CERS1: variants seen among roughly 807,000 people sequenced by gnomAD.
The protein encoded by CERS1 is Embryonic growth/differentiation factor 1.
A neutral mutation model predicts 35.7 loss-of-function variants in CERS1; 16 were observed. That is an observed-to-expected ratio of 0.45 (90% CI 0.30 to 0.68). The LOEUF is 0.68. Among genes scored for constraint, CERS1 ranks in the 30% least tolerant of loss-of-function variants. CERS1 has a pLI of 0.08. For missense variants in CERS1, 454 were observed against 453.9 expected (o/e 1.00, Z 0.00); for synonymous variants, 243 against 201.6 (o/e 1.21, Z -1.74).
chr19:18,877,756 CAAAAAA>C (rs386388683), intron 6 of CERS1, among the ~76,000 whole-genome samples: 48 of 103,974 alleles, frequency 4.6e-4, no homozygotes, highest in African/African-American at 1.7e-3. Context: ...GACCCTGTCT[CAAAAAA>C]AAAAAAAAAA....
At position 18,869,116 on chromosome 19, in the gene CERS1, GC is replaced by G. The variant is rs1278489593; in HGVS notation, c.*868del. ...ATGAGGCGTTGCGAGCCCAAGCGGC[GC>G]CCAGCAGCTCCGCGCGCACTGGCGG... is the stretch of plus-strand genomic sequence containing the variant. On this transcript the variant is annotated 3_prime_UTR_variant, in exon 8 of 8. Transcript: ENST00000623882. 9.2e-7 allele frequency: 1 copy of G among 1,087,682 alleles called. No individual in the cohort carries two copies. Among genetic ancestry groups the G allele is most frequent in the Non-Finnish European group, 1.1e-6 (1 of 894,854 alleles). 67.4% of individuals were successfully genotyped at this position (1,087,682 alleles called of 1,614,324 possible). A position where few individuals can be genotyped will look rare whatever the true frequency, so the allele number is the denominator to read the frequency against.
intron 6 of CERS1, among the ~76,000 whole-genome samples, chr19:18,876,309 C>T (rs969256671): frequency 2.0e-5 from 3 of 150,766 alleles, no homozygotes; most frequent in Admixed American, 6.6e-5. Context: ...TTGATGGTCT[C>T]TCATACCTGT....
intron 6 of CERS1, among the ~76,000 whole-genome samples, chr19:18,875,982 C>T (rs2056053984): frequency 6.6e-6 from 1 of 152,230 alleles, no homozygotes; most frequent in Non-Finnish European, 1.5e-5. Flanking sequence ...GAATAAGTTC[C>T]TGTGGTTTTA....
At chr19:18,887,262 C>G (rs1451253573) in intron 2 of CERS1, among the ~76,000 whole-genome samples, 1 of 152,152 alleles carries the variant, frequency 6.6e-6, no homozygotes, top group East Asian at 1.9e-4. Flanking sequence ...CAAAAGGTCA[C>G]ACAGTGTGAG....
chr19:18,893,149 G>A (rs949596194), intron 2 of CERS1, among the ~76,000 whole-genome samples: 4 of 152,170 alleles, frequency 2.6e-5, no homozygotes, highest in Middle Eastern at 3.4e-3. Context: ...TCCTAACCTC[G>A]TGATCCACTC....
chr19:18,880,165 C>T, intron 4 of CERS1, 109 bp downstream of exon 4: 4 of 1,156,508 alleles, frequency 3.5e-6, no homozygotes, highest in East Asian at 2.6e-5. Flanking sequence ...GCCACACACC[C>T]ACCTCACCGG....
Position 18,868,554 on chromosome 19 carries a change from A to G in CERS1, c.*1431T>C. On this transcript the variant is annotated 3_prime_UTR_variant, in exon 8 of 8. Transcript: ENST00000623882. ...TCCAAGGAGACCAGCGGAGCAGACC[A>G]CGCGGCATTTATTGTTGGGCCCGCG... The G allele has an allele frequency of 6.9e-7, 1 of 1,449,070 alleles. No individual in the cohort carries two copies. Among genetic ancestry groups the G allele is most frequent in the Non-Finnish European group, 9.5e-7 (1 of 1,057,442 alleles). 89.8% of individuals were successfully genotyped at this position (1,449,070 alleles called of 1,614,324 possible). A position where few individuals can be genotyped will look rare whatever the true frequency, so the allele number is the denominator to read the frequency against.
intron 6 of CERS1, among the ~76,000 whole-genome samples, chr19:18,876,789 A>G (rs1295933146): frequency 2.0e-5 from 3 of 152,168 alleles, no homozygotes; most frequent in Non-Finnish European, 2.9e-5. Flanking sequence ...TACAGCTTAC[A>G]TTTCCATGGC....
Position 18,870,270 on chromosome 19 carries a change from AGGT to A in CERS1, c.*304_*306del, listed in dbSNP as rs2055944339. 2.6e-6 allele frequency: 4 copies of A among 1,545,390 alleles called. No homozygotes were observed. Among genetic ancestry groups the A allele is most frequent in the African/African-American group, 2.8e-5 (2 of 72,230 alleles). ...CAGCAGCAGGGCCAGGAGGAGGAGG[AGGT>A]GGTGGCCGCAGGGACCTTGCTGCGG... On this transcript the variant is annotated 3_prime_UTR_variant, in exon 7 of 8. Coordinates refer to ENST00000623882, the MANE Select transcript of CERS1 (RefSeq NM_021267.5). The surrounding 1 kb of genome is among the most constrained non-coding windows in gnomAD (Gnocchi z 5.1).
chr19:18,886,278 A>G (rs55981548), intron 2 of CERS1, among the ~76,000 whole-genome samples: 7,914 of 151,972 alleles, frequency 0.052, 263 homozygotes, highest in Non-Finnish European at 0.069. Context: ...GGCCGGGCGC[A>G]GTGGCTCACG....
At position 18,868,950 on chromosome 19, in the gene CERS1, C is replaced by G; in HGVS notation, c.*1035G>C. On this transcript the variant is annotated 3_prime_UTR_variant, in exon 8 of 8. Coordinates refer to ENST00000623882, the MANE Select transcript of CERS1 (RefSeq NM_021267.5). ...CCGGGGCCGCCGCCCAACACGGGTT[C>G]GGCGTCGCGCCGCGGCCGGGCCAGG... The G allele has an allele frequency of 1.7e-6, 2 of 1,200,094 alleles. No individual in the cohort carries two copies. The highest frequency in any genetic ancestry group is 2.1e-6 in the Non-Finnish European group (2 of 965,126). The allele number at this position is 1,200,094 out of a possible 1,614,324, so 74.3% of individuals were successfully genotyped here.
intron 2 of CERS1, among the ~76,000 whole-genome samples, chr19:18,893,107 G>A (rs2056535060): frequency 6.6e-6 from 1 of 152,032 alleles, no homozygotes; most frequent in African/African-American, 2.4e-5. Flanking sequence ...TAGAGACGGG[G>A]TTTCACCATG....
Position 18,869,122 on chromosome 19 carries a change from C to T in CERS1, c.*863G>A. 7 of 1,090,808 alleles carry T rather than the reference C, an allele frequency of 6.4e-6. No homozygotes were observed. Among genetic ancestry groups the T allele is most frequent in the Admixed American group, 5.3e-5 (1 of 18,926 alleles). 67.6% of individuals were successfully genotyped at this position (1,090,808 alleles called of 1,614,324 possible). On this transcript the variant is annotated 3_prime_UTR_variant, in exon 8 of 8. Transcript: ENST00000623882. The stretch of plus-strand genomic sequence containing the variant: ...CGTTGCGAGCCCAAGCGGCGCCCAG[C>T]AGCTCCGCGCGCACTGGCGGCCCCA...
chr19:18,893,807 A>AG (rs1478233752), intron 1 of CERS1, among the ~76,000 whole-genome samples: 1 of 149,762 alleles, frequency 6.7e-6, no homozygotes, highest in South Asian at 2.1e-4. Context: ...GTGAGGGGGG[A>AG]GGCCCCGAGG....
rs1568289162 is a variant in CERS1, at chr19:18,868,618, C to CA, written c.*1366dup. 1 of 1,567,380 alleles carries CA rather than the reference C, an allele frequency of 6.4e-7. No homozygotes were observed. Among genetic ancestry groups the CA allele is most frequent in the Admixed American group, 1.9e-5 (1 of 53,720 alleles). The stretch of plus-strand genomic sequence containing the variant: ...CGGGTTAGCGGCAGCCGCACTCGTC[C>CA]ACCACCATGTCCTCATACTGCCGCA... On this transcript the variant is annotated 3_prime_UTR_variant, in exon 8 of 8. Transcript: ENST00000623882.
chr19:18,874,346 G>A (rs1311133118), intron 6 of CERS1, among the ~76,000 whole-genome samples: 1 of 152,096 alleles, frequency 6.6e-6, no homozygotes, highest in African/African-American at 2.4e-5. Flanking sequence ...CTCTGTTACC[G>A]CAGCTGGGGT....
chr19:18,870,425 ACTGGAGGCAGG>A lies in CERS1; in HGVS notation c.*141_*151del. On this transcript the variant is annotated 3_prime_UTR_variant, in exon 7 of 8. Transcript: ENST00000623882. The surrounding 1 kb of genome is among the most constrained non-coding windows in gnomAD (Gnocchi z 5.1). ...GGGGTCCTGGGGGGCGTGGCCGGGAACTGGAGGCAGGATGAGGGGGCGGGGTCCCAGGGGAG... is the reference window on the plus strand; with the variant it reads ...GGGGTCCTGGGGGGCGTGGCCGGGAAATGAGGGGGCGGGGTCCCAGGGGAG... 2 of 1,140,092 alleles carry A rather than the reference ACTGGAGGCAGG, an allele frequency of 1.8e-6. No individual in the cohort carries two copies. The highest frequency in any genetic ancestry group is 2.5e-6 in the Non-Finnish European group (2 of 799,988). The allele number at this position is 1,140,092 out of a possible 1,614,324, so 70.6% of individuals were successfully genotyped here. A position where few individuals can be genotyped will look rare whatever the true frequency, so the allele number is the denominator to read the frequency against.
At chr19:18,887,523 T>TCA (rs2056390595) in intron 2 of CERS1, among the ~76,000 whole-genome samples, 2 of 152,144 alleles carry the variant, frequency 1.3e-5, no homozygotes, top group Non-Finnish European at 2.9e-5. Context: ...GGCAGGTGGA[T>TCA]CACCTGAGGT....
In CERS1 at chr19:18,895,920, C is replaced by A; in HGVS notation, c.153G>T (p.Glu51Asp). The change falls in exon 1 of 8, where the codon GAG becomes GAT. Residue 51 changes from glutamate (E) to aspartate (D), a missense_variant. Coordinates refer to ENST00000623882, the MANE Select transcript of CERS1 (RefSeq NM_021267.5). The surrounding 1 kb of genome is among the most constrained non-coding windows in gnomAD (Gnocchi z 6.4). The part of the protein sequence containing the change: ...GWGLARRGLA[E>D]HAHLAPPELL... ...GCTCGGGCGGCGCCAGGTGCGCGTGCTCAGCCAGGCCGCGACGCGCCAGCC... is the reference window on the plus strand; with the variant it reads ...GCTCGGGCGGCGCCAGGTGCGCGTGATCAGCCAGGCCGCGACGCGCCAGCC... 1 of 1,230,092 alleles carries A rather than the reference C, an allele frequency of 8.1e-7. No individual in the cohort carries two copies. 76.2% of individuals were successfully genotyped at this position (1,230,092 alleles called of 1,614,324 possible).
Sources: gnomAD v4.1 joint callset for allele counts (sites outside exome capture counted in the v4.1 genomes callset) on GRCh38, gnomAD v4.1.1 for gene constraint, Gnocchi (gnomAD v3.1) non-coding constraint, MANE v1.5 for transcripts, NCBI Gene and HGNC (gene_info 2026-07-23, HGNC 2026-07-21) for gene names.